Variants in NFIB observed in about 807,000 individuals in gnomAD.
NFIB encodes nuclear factor 1 B-type.
In NFIB, 11 loss-of-function variants were observed where a neutral mutation model predicts 61.5. The observed-to-expected ratio is 0.18, with a 90% confidence interval of 0.11 to 0.30. NFIB has a LOEUF of 0.30. Ranked by LOEUF, NFIB falls within the 10% of genes least tolerant of loss-of-function variation. The pLI, the probability that NFIB is intolerant of heterozygous loss-of-function variation, is 1.00. For missense variants in NFIB, 471 were observed against 608.9 expected, an observed-to-expected ratio of 0.77 and a Z score of 2.38; for synonymous variants, 260 against 216.5, an observed-to-expected ratio of 1.20 and a Z score of -1.76.
upstream of NFIB, among the ~76,000 whole-genome samples, chr9:14,318,628 A>C (rs1397401733): frequency 6.6e-6 from 1 of 151,282 alleles, no homozygotes; most frequent in Admixed American, 6.6e-5. Flanking sequence ...AAAGAGACAG[A>C]TGACCTCCTG....
At chr9:14,522,046 G>T in the NFIB span, among the ~76,000 whole-genome samples, 1 of 152,220 alleles carries the variant, frequency 6.6e-6, no homozygotes, top group African/African-American at 2.4e-5. Flanking sequence ...GGGAAGTAAA[G>T]TGAAGGGAAA....
chr9:14,118,021 C>T (rs990069843), intron 8 of NFIB, among the ~76,000 whole-genome samples: 1 of 151,494 alleles, frequency 6.6e-6, no homozygotes, highest in African/African-American at 2.4e-5. Context: ...TGGTAAATAC[C>T]AAGAATTCTA....
At chr9:14,211,077 C>A (rs1340988233) in intron 2 of NFIB, among the ~76,000 whole-genome samples, 4 of 152,184 alleles carry the variant, frequency 2.6e-5, no homozygotes, top group Admixed American at 2.6e-4. Context: ...GTATTAATTA[C>A]ATACATGTAT....
chr9:14,208,238 TA>T (rs1207442061), intron 2 of NFIB, among the ~76,000 whole-genome samples: 1 of 151,802 alleles, frequency 6.6e-6, no homozygotes, highest in East Asian at 1.9e-4. Flanking sequence ...TACGTGGTGT[TA>T]AAAAAAAGAC....
intron 2 of NFIB, among the ~76,000 whole-genome samples, chr9:14,184,838 T>C (rs1402290137): frequency 6.6e-6 from 1 of 152,094 alleles, no homozygotes; most frequent in Admixed American, 6.6e-5. Context: ...CTGGCCAACG[T>C]GGTGAAACCC....
chr9:14,350,060 C>T (rs1473534507), intron 1 of NFIB, among the ~76,000 whole-genome samples: 5 of 152,162 alleles, frequency 3.3e-5, no homozygotes, highest in African/African-American at 7.2e-5. Context: ...GGTGGGCTTT[C>T]CCCAGGAGGG....
At chr9:14,194,679 A>C (rs2048294800) in intron 2 of NFIB, among the ~76,000 whole-genome samples, 1 of 152,168 alleles carries the variant, frequency 6.6e-6, no homozygotes. Flanking sequence ...AAGCCAAGAT[A>C]AAACAAATGA....
intron 1 of NFIB, among the ~76,000 whole-genome samples, chr9:14,346,368 C>T (rs1255433554): frequency 6.8e-6 from 1 of 146,302 alleles, no homozygotes; most frequent in Admixed American, 6.9e-5. Context: ...TCCGGACGGG[C>T]GTCATCTGCC....
rs766595252 is a variant in NFIB, at chr9:14,233,421, CTTTTTTTTTTTTT to C, written c.563-53654_563-53642del. 4.6e-5 allele frequency among the ~76,000 whole-genome samples: 5 copies of C among 109,130 alleles called. No individual in the cohort carries two copies. The East Asian group carries it at 1.1e-3, about 24-fold the overall frequency. The allele number at this position is 109,130 out of a possible 152,430, so 71.6% of individuals were successfully genotyped here. ...AGTATTTAGCTCTTTTGCTATTATT[CTTTTTTTTTTTTT>C]TTTTTTTTTTTAAGATGGAGTCTCA... On this transcript the variant is annotated intron_variant, in intron 2 of 10. Transcript: ENST00000380953.
At chr9:14,114,270 C>G (rs1248339037) in intron 9 of NFIB, among the ~76,000 whole-genome samples, 4 of 152,166 alleles carry the variant, frequency 2.6e-5, no homozygotes, top group Non-Finnish European at 4.4e-5. Context: ...CATCAGCAAC[C>G]AGTGACCCCT....
At chr9:14,141,454 G>A (rs953979229) in intron 6 of NFIB, among the ~76,000 whole-genome samples, 3 of 151,994 alleles carry the variant, frequency 2.0e-5, no homozygotes, top group Non-Finnish European at 2.9e-5. Context: ...AAAGATTTAC[G>A]GCTCATCGTC....
chr9:14,493,183 T>A, the NFIB span, among the ~76,000 whole-genome samples: 6 of 152,156 alleles, frequency 3.9e-5, no homozygotes, highest in African/African-American at 1.4e-4. Context: ...AGGACCCACA[T>A]TCGTTAAGGC....
At chr9:14,527,459 A>T in the NFIB span, among the ~76,000 whole-genome samples, 1 of 152,236 alleles carries the variant, frequency 6.6e-6, no homozygotes, top group Non-Finnish European at 1.5e-5. Context: ...CATGACACTG[A>T]GTGATAAATC....
chr9:14,084,812 T>C lies in NFIB; in HGVS notation c.*3497A>G, dbSNP rs941268034. 4.4e-6 allele frequency: 1 copy of C among 228,138 alleles called. No homozygotes were observed. The highest frequency in any genetic ancestry group is 2.2e-5 in the African/African-American group (1 of 44,990). 14.1% of individuals were successfully genotyped at this position (228,138 alleles called of 1,614,324 possible). The stretch of plus-strand genomic sequence containing the variant: ...AAAAGTTGATTTGAGATTTTATATA[T>C]ATAGTAGTACTTTTAATAGTTTTAT... On this transcript the variant is annotated 3_prime_UTR_variant, in exon 11 of 11. Transcript: ENST00000380953.
At chr9:14,213,103 T>C (rs1332928611) in intron 2 of NFIB, among the ~76,000 whole-genome samples, 2 of 152,246 alleles carry the variant, frequency 1.3e-5, no homozygotes, top group Admixed American at 1.3e-4. Flanking sequence ...GTAAGCGCTG[T>C]TTCTGAAAGG....
At chr9:14,529,208 C>A in the NFIB span, among the ~76,000 whole-genome samples, 1 of 152,128 alleles carries the variant, frequency 6.6e-6, no homozygotes, top group Non-Finnish European at 1.5e-5. Context: ...TAGAATTGGA[C>A]AACTACGTCT....
At position 14,176,169 on chromosome 9, in the gene NFIB, G is replaced by C. The variant is rs1222782983; in HGVS notation, c.616+3558C>G. ...TCATGTCTAAGTCCCAAAATTAATG[G>C]TTTACCCTCATTTGGTCCACAAGAG... is the stretch of plus-strand genomic sequence containing the variant. On this transcript the variant is annotated intron_variant, in intron 3 of 10. Coordinates refer to ENST00000380953, the MANE Select transcript of NFIB (RefSeq NM_001190737.2). Among the ~76,000 whole-genome samples the C allele has an allele frequency of 4.0e-5, 6 of 150,498 alleles. No individual in the cohort carries two copies. In the East Asian group the frequency reaches 9.9e-4, roughly 25 times the overall value.
upstream of NFIB, among the ~76,000 whole-genome samples, chr9:14,400,928 C>G (rs903968413): frequency 6.6e-6 from 1 of 152,198 alleles, no homozygotes; most frequent in Non-Finnish European, 1.5e-5. Flanking sequence ...TCCGAAGTAG[C>G]CAATCAGCGA....
At chr9:14,440,872 C>A in the NFIB span, among the ~76,000 whole-genome samples, 1 of 152,110 alleles carries the variant, frequency 6.6e-6, no homozygotes, top group Non-Finnish European at 1.5e-5. Context: ...TGCTCTTTTT[C>A]TACTACACAA....
Sources: gnomAD v4.1 joint callset for allele counts (sites outside exome capture counted in the v4.1 genomes callset) on GRCh38, gnomAD v4.1.1 for gene constraint, MANE v1.5 for transcripts, NCBI Gene and HGNC (gene_info 2026-07-23, HGNC 2026-07-21) for gene names.